The following FRMD5 variants were observed in gnomAD, a reference collection of about 807,000 sequenced individuals.
The protein encoded by FRMD5 is FERM domain containing 5.
FRMD5 carries 20 observed loss-of-function variants against 69.0 expected under a neutral mutation model. The observed-to-expected ratio is 0.29, with a 90% confidence interval of 0.20 to 0.42. FRMD5 has a LOEUF of 0.42. Among genes scored for constraint, FRMD5 ranks in the 10% least tolerant of loss-of-function variants. The pLI is 1.00. For missense variants in FRMD5, 595 were observed against 708.6 expected (o/e 0.84, Z 1.82); for synonymous variants, 271 against 260.1 (o/e 1.04, Z -0.40).
chr15:44,061,231 C>CTGG (rs2140379688), intron 1 of FRMD5, among the ~76,000 whole-genome samples: 1 of 152,302 alleles, frequency 6.6e-6, no homozygotes, highest in South Asian at 2.1e-4. Context: ...ACAACCTAGA[C>CTGG]ATTCCAGCTT....
At chr15:44,029,265 A>C (rs565238998) in intron 1 of FRMD5, among the ~76,000 whole-genome samples, 16 of 152,092 alleles carry the variant, frequency 1.1e-4, no homozygotes, top group Non-Finnish European at 2.2e-4. Flanking sequence ...TTTAACTTAC[A>C]TTTGGTTCAC....
At chr15:44,065,490 G>A (rs1474478327) in intron 1 of FRMD5, among the ~76,000 whole-genome samples, 4 of 152,122 alleles carry the variant, frequency 2.6e-5, no homozygotes, top group African/African-American at 9.7e-5. Flanking sequence ...ATATTTAATC[G>A]ATTTAGTGTC....
At chr15:43,999,969 T>TATATGCCATGC (rs1890131194) in intron 1 of FRMD5, among the ~76,000 whole-genome samples, 2 of 14,862 alleles carry the variant, frequency 1.3e-4, no homozygotes, top group Non-Finnish European at 7.7e-4. Flanking sequence ...TATATATATA[T>TATATGCCATGC]ATATATATAT....
intron 1 of FRMD5, among the ~76,000 whole-genome samples, chr15:44,092,034 G>A (rs113664478): frequency 6.4e-4 from 98 of 152,196 alleles, no homozygotes; most frequent in South Asian, 6.2e-4. Context: ...TAATGCTCCC[G>A]ATTTTTAATT....
chr15:44,072,953 G>A (rs896763754), intron 1 of FRMD5, among the ~76,000 whole-genome samples: 4 of 152,098 alleles, frequency 2.6e-5, no homozygotes, highest in Non-Finnish European at 5.9e-5. Flanking sequence ...AACATAGTAA[G>A]ACCCCATCTC....
chr15:43,885,176 T>G, intron 11 of FRMD5: 1 of 204,642 alleles, frequency 4.9e-6, no homozygotes, highest in Non-Finnish European at 1.0e-5. Flanking sequence ...TACATATTTA[T>G]TTTTCATTTT....
chr15:43,999,418 T>G (rs2140165209), intron 1 of FRMD5, among the ~76,000 whole-genome samples: 1 of 152,274 alleles, frequency 6.6e-6, no homozygotes, highest in East Asian at 1.9e-4. Context: ...CACACTGTTG[T>G]GCGACCAATC....
chr15:43,962,625 T>G (rs1032931566), intron 1 of FRMD5, among the ~76,000 whole-genome samples: 1 of 152,182 alleles, frequency 6.6e-6, no homozygotes, highest in African/African-American at 2.4e-5. Flanking sequence ...AGAACAAAGC[T>G]GGAGGCATCA....
chr15:43,949,577 G>T (rs1030293174), intron 1 of FRMD5, among the ~76,000 whole-genome samples: 1 of 152,174 alleles, frequency 6.6e-6, no homozygotes, highest in Admixed American at 6.5e-5. Flanking sequence ...GCAACTACAG[G>T]ATGAGATGGG....
At chr15:44,038,575 T>C (rs1420299936) in intron 1 of FRMD5, among the ~76,000 whole-genome samples, 4 of 123,680 alleles carry the variant, frequency 3.2e-5, no homozygotes, top group African/African-American at 8.9e-5. Context: ...GATGGCTGAA[T>C]AGGAACAGCT....
chr15:44,096,473 G>T (rs1044271035), intron 1 of FRMD5, among the ~76,000 whole-genome samples: 1 of 149,988 alleles, frequency 6.7e-6, no homozygotes, highest in Non-Finnish European at 1.5e-5. Context: ...TGTGATCTTG[G>T]TTCACTGCAA....
intron 11 of FRMD5, 48 bp from the exon 12 acceptor site, chr15:43,884,843 G>A (rs768934248): frequency 2.0e-6 from 3 of 1,489,274 alleles, no homozygotes; most frequent in Admixed American, 1.7e-5. Context: ...AGACTGTGTT[G>A]TAGGACAGCT....
At chr15:44,162,253 C>G (rs1027522920) in intron 1 of FRMD5, among the ~76,000 whole-genome samples, 1 of 133,952 alleles carries the variant, frequency 7.5e-6, no homozygotes, top group Non-Finnish European at 1.6e-5. Context: ...TGTGAGCCAC[C>G]GTGCCAGGCC....
At chr15:43,875,624 T>C (rs1052012204) in intron 13 of FRMD5, among the ~76,000 whole-genome samples, 3 of 150,960 alleles carry the variant, frequency 2.0e-5, no homozygotes, top group African/African-American at 7.3e-5. Flanking sequence ...AATACAGGTG[T>C]CTGCCACCAC....
At chr15:44,114,862 T>C (rs1020102237) in intron 1 of FRMD5, among the ~76,000 whole-genome samples, 2 of 152,122 alleles carry the variant, frequency 1.3e-5, no homozygotes, top group Non-Finnish European at 2.9e-5. Flanking sequence ...TTATAAAGAA[T>C]GACGAAGACT....
At chr15:44,180,322 A>G (rs898331144) in intron 1 of FRMD5, among the ~76,000 whole-genome samples, 1 of 152,162 alleles carries the variant, frequency 6.6e-6, no homozygotes, top group Admixed American at 6.5e-5. Context: ...ATTAACATAT[A>G]TTACAAATTA....
At chr15:43,909,752 C>A (rs1434460530) in intron 5 of FRMD5, 130 bp downstream of exon 5, 2 of 574,552 alleles carry the variant, frequency 3.5e-6, no homozygotes, top group Middle Eastern at 3.2e-4. Flanking sequence ...AGTGCTAGGA[C>A]TACAAGCGTG....
chr15:44,007,479 G>A (rs1178557649), intron 1 of FRMD5, among the ~76,000 whole-genome samples: 1 of 151,990 alleles, frequency 6.6e-6, no homozygotes, highest in African/African-American at 2.4e-5. Context: ...ACTGTTTTGA[G>A]AACAATGTTT....
chr15:44,027,351 G>C (rs1433087150), intron 1 of FRMD5, among the ~76,000 whole-genome samples: 1 of 152,192 alleles, frequency 6.6e-6, no homozygotes. Context: ...AAAAACTAGA[G>C]GTTAGAATAT....
Sources: gnomAD v4.1 joint callset for allele counts (sites outside exome capture counted in the v4.1 genomes callset) on GRCh38, gnomAD v4.1.1 for gene constraint, MANE v1.5 for transcripts, NCBI Gene and HGNC (gene_info 2026-07-23, HGNC 2026-07-21) for gene names.